The following NLGN4Y variants were observed in gnomAD, a reference collection of about 807,000 sequenced individuals.
The protein encoded by NLGN4Y is neuroligin 4 Y-linked.
In NLGN4Y, 4 loss-of-function variants were observed where a neutral mutation model predicts 8.4. That is an observed-to-expected ratio of 0.48 (90% CI 0.23 to 1.09). The LOEUF (loss-of-function observed/expected upper bound fraction) is 1.09, where lower values mean the gene tolerates loss of function less well. Ranked by LOEUF, NLGN4Y falls within the 50% of genes least tolerant of loss-of-function variation. NLGN4Y has a pLI of 0.19. For synonymous variants in NLGN4Y, 35 were observed against 75.6 expected (o/e 0.46, Z 2.78); for missense variants, 90 against 192.3 (o/e 0.47, Z 3.15).
intron 4 of NLGN4Y, among the ~76,000 whole-genome samples, chrY:14,775,905 G>A (rs915961905): frequency 3.1e-5 from 1 of 32,340 alleles, no homozygotes; most frequent in South Asian, 6.9e-4. Context: ...TCAGGCAATC[G>A]AAACACAATG....
chrY:14,806,585 A>G, intron 4 of NLGN4Y, among the ~76,000 whole-genome samples: 6 of 32,476 alleles, frequency 1.8e-4, no homozygotes, highest in Admixed American at 1.7e-3. Context: ...TTTTAGAACA[A>G]CACTAAGTTT....
intron 1 of NLGN4Y, among the ~76,000 whole-genome samples, chrY:14,614,145 G>T: frequency 5.9e-5 from 2 of 33,878 alleles, no homozygotes; most frequent in Non-Finnish European, 1.5e-4. Context: ...GGTGTGAATG[G>T]TATCTCATTG....
intron 1 of NLGN4Y, among the ~76,000 whole-genome samples, chrY:14,531,755 A>G: frequency 9.8e-5 from 3 of 30,615 alleles, no homozygotes; most frequent in Non-Finnish European, 1.5e-4. Flanking sequence ...CCTATTGTAT[A>G]TAAGATATAA....
intron 2 of NLGN4Y, among the ~76,000 whole-genome samples, chrY:14,626,348 G>A (rs1033508879): frequency 9.1e-5 from 3 of 33,097 alleles, no homozygotes; most frequent in Non-Finnish European, 2.2e-4. Context: ...TCCTTCCGGA[G>A]TAGTTCATCC....
chrY:14,596,484 C>T, intron 1 of NLGN4Y, among the ~76,000 whole-genome samples: 1 of 33,712 alleles, frequency 3.0e-5, no homozygotes. Flanking sequence ...ATAGGCGAGT[C>T]TCGCTTGGGC....
intron 4 of NLGN4Y, among the ~76,000 whole-genome samples, chrY:14,799,705 C>T (rs2043024416): frequency 3.0e-5 from 1 of 33,038 alleles, no homozygotes; most frequent in Admixed American, 2.8e-4. Context: ...AGAAAATTAC[C>T]GAGGAAACAC....
chrY:14,651,266 C>A (rs2080628479), intron 2 of NLGN4Y, among the ~76,000 whole-genome samples: 1 of 33,193 alleles, frequency 3.0e-5, no homozygotes, highest in Non-Finnish European at 7.4e-5. Flanking sequence ...AAGTGTGCAA[C>A]ATTCTTCTGT....
intron 2 of NLGN4Y, among the ~76,000 whole-genome samples, chrY:14,701,195 G>GCA (rs371313575): frequency 6.4e-3 from 143 of 22,244 alleles, no homozygotes; most frequent in South Asian, 0.056. Context: ...GCATGCACAC[G>GCA]CACACACACA....
intron 5 of NLGN4Y, among the ~76,000 whole-genome samples, chrY:14,828,001 A>G (rs2150594962): frequency 3.0e-5 from 1 of 33,554 alleles, no homozygotes; most frequent in South Asian, 6.6e-4. Flanking sequence ...TACCTAAGAT[A>G]TTCAACAGCT....
chrY:14,743,642 C>G, intron 4 of NLGN4Y, among the ~76,000 whole-genome samples: 1 of 32,936 alleles, frequency 3.0e-5, no homozygotes, highest in Non-Finnish European at 7.4e-5. Context: ...CATTATCCCA[C>G]AGCCCACTCT....
intron 4 of NLGN4Y, among the ~76,000 whole-genome samples, chrY:14,755,739 T>C (rs746041523): frequency 8.4e-4 from 28 of 33,499 alleles, no homozygotes; most frequent in African/African-American, 3.3e-3. Context: ...ACTCCAGAGG[T>C]TGAGTAAGCA....
At chrY:14,597,290 G>T in intron 1 of NLGN4Y, among the ~76,000 whole-genome samples, 1 of 32,767 alleles carries the variant, frequency 3.1e-5, no homozygotes, top group Non-Finnish European at 7.5e-5. Context: ...GCAGTAGCAA[G>T]ATTTATTGCA....
chrY:14,678,231 GTTTA>G (rs2080756755), intron 2 of NLGN4Y, among the ~76,000 whole-genome samples: 2 of 33,167 alleles, frequency 6.0e-5, no homozygotes, highest in African/African-American at 1.2e-4. Flanking sequence ...TTTTTAAAAA[GTTTA>G]TTTATCTCAG....
At chrY:14,655,611 G>C in intron 2 of NLGN4Y, among the ~76,000 whole-genome samples, 1 of 33,193 alleles carries the variant, frequency 3.0e-5, no homozygotes, top group Non-Finnish European at 7.4e-5. Context: ...GACACCCTTT[G>C]TTCCAACTTT....
intron 4 of NLGN4Y, among the ~76,000 whole-genome samples, chrY:14,817,846 T>C (rs2043107788): frequency 3.1e-5 from 1 of 32,405 alleles, no homozygotes. Context: ...AACAATTCTT[T>C]TTCCTCTGTT....
intron 1 of NLGN4Y, among the ~76,000 whole-genome samples, chrY:14,575,101 C>T (rs2080292058): frequency 6.2e-5 from 2 of 32,400 alleles, no homozygotes; most frequent in Admixed American, 2.9e-4. Flanking sequence ...ATCTTTGTGG[C>T]GTTCTCTGTA....
At chrY:14,603,632 A>C (rs1020658838) in intron 1 of NLGN4Y, among the ~76,000 whole-genome samples, 1 of 33,529 alleles carries the variant, frequency 3.0e-5, no homozygotes, top group African/African-American at 1.2e-4. Context: ...ATGGCAGTAC[A>C]GGCATGGTGG....
chrY:14,698,108 C>T, intron 2 of NLGN4Y, among the ~76,000 whole-genome samples: 2 of 33,609 alleles, frequency 6.0e-5, no homozygotes, highest in Non-Finnish European at 7.4e-5. Context: ...TGAATACATT[C>T]ATGCACATGA....
At chrY:14,809,364 A>G in intron 4 of NLGN4Y, among the ~76,000 whole-genome samples, 1 of 32,531 alleles carries the variant, frequency 3.1e-5, no homozygotes, top group Admixed American at 2.8e-4. Context: ...AATCCCACCT[A>G]TTTGGGGGAC....
Sources: allele counts gnomAD v4.1 joint callset (sites outside exome capture counted in the v4.1 genomes callset), GRCh38; gene constraint gnomAD v4.1.1; transcripts MANE v1.5; gene names NCBI Gene and HGNC (gene_info 2026-07-23, HGNC 2026-07-21).